PPARGC1A: variants seen among roughly 807,000 people sequenced by gnomAD.
PPARGC1A encodes PPARG coactivator 1 alpha, also known as peroxisome proliferator-activated receptor gamma coactivator 1-alpha.
Under a neutral mutation model 88.7 loss-of-function variants are expected in PPARGC1A, and 25 were observed. The ratio of observed to expected loss-of-function variants is 0.28; its 90% CI spans 0.21 to 0.39. PPARGC1A has a LOEUF of 0.39. Among genes scored for constraint, PPARGC1A ranks in the 10% least tolerant of loss-of-function variants. The pLI, the probability that PPARGC1A is intolerant of heterozygous loss-of-function variation, is 1.00. For missense variants in PPARGC1A, 880 were observed against 968.7 expected, an observed-to-expected ratio of 0.91 and a Z score of 1.22; for synonymous variants, 363 against 355.6, an observed-to-expected ratio of 1.02 and a Z score of -0.24.
the PPARGC1A span, among the ~76,000 whole-genome samples, chr4:24,344,321 C>G: frequency 6.6e-6 from 1 of 152,148 alleles, no homozygotes; most frequent in Non-Finnish European, 1.5e-5. Context: ...TAAGGAATCT[C>G]CACAGTGTTT....
intron 2 of PPARGC1A, chr4:23,883,562 CCTCT>C (rs998592404): frequency 1.3e-5 from 2 of 152,102 alleles, no homozygotes; most frequent in Admixed American, 6.5e-5. Flanking sequence ...AAACAAATAA[CCTCT>C]CTGAGTTTCA....
At chr4:24,260,520 G>A in the PPARGC1A span, among the ~76,000 whole-genome samples, 3 of 152,188 alleles carry the variant, frequency 2.0e-5, no homozygotes, top group African/African-American at 7.2e-5. Context: ...ACGAGTAACA[G>A]AGCAATCAAC....
At chr4:24,369,530 CA>C in the PPARGC1A span, among the ~76,000 whole-genome samples, 1 of 151,950 alleles carries the variant, frequency 6.6e-6, no homozygotes, top group South Asian at 2.1e-4. Flanking sequence ...AGAAGCAGTA[CA>C]ATCCCCAATT....
the PPARGC1A span, among the ~76,000 whole-genome samples, chr4:24,378,694 T>G: frequency 6.6e-6 from 1 of 152,202 alleles, no homozygotes; most frequent in Admixed American, 6.5e-5. Context: ...ATATGTAACA[T>G]TTTTATGAAG....
chr4:24,239,606 G>A, the PPARGC1A span, among the ~76,000 whole-genome samples: 1 of 152,136 alleles, frequency 6.6e-6, no homozygotes, highest in Non-Finnish European at 1.5e-5. Context: ...TATGCAGGAG[G>A]TAGAATCTAA....
chr4:24,085,258 G>C, the PPARGC1A span, among the ~76,000 whole-genome samples: 20 of 151,860 alleles, frequency 1.3e-4, no homozygotes, highest in African/African-American at 4.8e-4. Context: ...ATCCATATTT[G>C]GTACATTTCA....
chr4:24,287,225 C>G, the PPARGC1A span, among the ~76,000 whole-genome samples: 1 of 151,180 alleles, frequency 6.6e-6, no homozygotes, highest in Non-Finnish European at 1.5e-5. Context: ...AAAAATGTAT[C>G]CAGACATTGC....
At chr4:24,387,930 GAAAGAGAAAGAA>G in the PPARGC1A span, among the ~76,000 whole-genome samples, 79 of 23,938 alleles carry the variant, frequency 3.3e-3, no homozygotes, top group South Asian at 0.012. Flanking sequence ...AAGAAAGAAA[GAAAGAGAAAGAA>G]AGAAAGAAAG....
chr4:24,088,128 C>G, the PPARGC1A span, among the ~76,000 whole-genome samples: 1 of 152,142 alleles, frequency 6.6e-6, no homozygotes, highest in Admixed American at 6.5e-5. Flanking sequence ...GCAAGAGGAT[C>G]ACTTGAGCCC....
chr4:23,834,783 A>C (rs1233423341), intron 2 of PPARGC1A, among the ~76,000 whole-genome samples: 1 of 152,160 alleles, frequency 6.6e-6, no homozygotes, highest in Middle Eastern at 3.2e-3. Flanking sequence ...GTATCCAAAG[A>C]TTTCAATAAC....
chr4:24,333,373 T>A, the PPARGC1A span, among the ~76,000 whole-genome samples: 1 of 152,258 alleles, frequency 6.6e-6, no homozygotes, highest in Admixed American at 6.5e-5. Context: ...TTTTTTACTA[T>A]TTCTGAGTTT....
chr4:24,328,650 T>G, the PPARGC1A span, among the ~76,000 whole-genome samples: 1 of 152,216 alleles, frequency 6.6e-6, no homozygotes, highest in African/African-American at 2.4e-5. Flanking sequence ...ACACTGGCAC[T>G]AAACAGTGAA....
the PPARGC1A span, among the ~76,000 whole-genome samples, chr4:24,355,917 C>T: frequency 1.1e-4 from 16 of 152,136 alleles, no homozygotes; most frequent in Admixed American, 5.9e-4. Context: ...GAGTTTACGG[C>T]GGGGCACGAT....
intron 2 of PPARGC1A, chr4:23,883,669 T>C (rs1716374242): frequency 6.6e-6 from 1 of 152,210 alleles, no homozygotes; most frequent in African/African-American, 2.4e-5. Flanking sequence ...TAAGCATGAG[T>C]ATACCAAAAT....
the PPARGC1A span, among the ~76,000 whole-genome samples, chr4:24,230,949 T>TAA: frequency 1.8e-5 from 1 of 54,364 alleles, no homozygotes; most frequent in Non-Finnish European, 4.2e-5. Flanking sequence ...ACAGAATTTA[T>TAA]TAAAAAAAAT....
At chr4:24,085,793 T>A in the PPARGC1A span, among the ~76,000 whole-genome samples, 1 of 152,148 alleles carries the variant, frequency 6.6e-6, no homozygotes, top group Non-Finnish European at 1.5e-5. Flanking sequence ...CCTATTCCCC[T>A]CGCTCCAGGT....
At chr4:24,309,928 T>C in the PPARGC1A span, among the ~76,000 whole-genome samples, 3 of 152,144 alleles carry the variant, frequency 2.0e-5, no homozygotes, top group Admixed American at 2.0e-4. Flanking sequence ...TCAATGTATA[T>C]GAAGTATGTA....
chr4:24,379,848 G>A, the PPARGC1A span, among the ~76,000 whole-genome samples: 22 of 148,310 alleles, frequency 1.5e-4, no homozygotes, highest in African/African-American at 4.0e-4. Flanking sequence ...GGCACGATTC[G>A]GCTCACTGCT....
At chr4:23,856,851 A>C (rs2148689525) in intron 2 of PPARGC1A, among the ~76,000 whole-genome samples, 1 of 151,134 alleles carries the variant, frequency 6.6e-6, no homozygotes, top group African/African-American at 2.4e-5. Context: ...GCTGTTGAAC[A>C]CCTTCTCCCT....
Sources: allele counts gnomAD v4.1 joint callset (sites outside exome capture counted in the v4.1 genomes callset), GRCh38; gene constraint gnomAD v4.1.1; transcripts MANE v1.5; gene names NCBI Gene and HGNC (gene_info 2026-07-23, HGNC 2026-07-21).